PRKCE: variants seen among roughly 807,000 people sequenced by gnomAD.
PRKCE encodes the protein protein kinase C epsilon, also known as protein kinase C epsilon type.
A neutral mutation model predicts 85.4 loss-of-function variants in PRKCE; 16 were observed. The observed-to-expected ratio is 0.19, with a 90% CI of 0.13 to 0.28. The LOEUF (loss-of-function observed/expected upper bound fraction) is 0.28, where lower values mean the gene tolerates loss of function less well. PRKCE is among the 10% of genes least tolerant of loss of function. PRKCE has a pLI of 1.00. For synonymous variants in PRKCE, 388 were observed against 371.5 expected (o/e 1.04, Z -0.51); for missense variants, 573 against 975.2 (o/e 0.59, Z 5.49).
At chr2:46,002,202 TA>T (rs1704745888) in intron 7 of PRKCE, among the ~76,000 whole-genome samples, 1 of 152,368 alleles carries the variant, frequency 6.6e-6, no homozygotes, top group African/African-American at 2.4e-5. Context: ...ATTTCATTTG[TA>T]GGCTCTTCTT....
chr2:46,083,922 A>G (rs1405592471), intron 10 of PRKCE, among the ~76,000 whole-genome samples: 1 of 152,254 alleles, frequency 6.6e-6, no homozygotes, highest in Admixed American at 6.5e-5. Context: ...GAGGAGAGTC[A>G]GTGCTTCTCA....
At chr2:45,659,471 G>T (rs745363837) in intron 1 of PRKCE, among the ~76,000 whole-genome samples, 1 of 152,114 alleles carries the variant, frequency 6.6e-6, no homozygotes, top group African/African-American at 2.4e-5. Context: ...GCTTCCACCT[G>T]TCCTGGCTTC....
intron 11 of PRKCE, among the ~76,000 whole-genome samples, chr2:46,130,249 TTA>T (rs1439026956): frequency 1.3e-5 from 2 of 152,222 alleles, no homozygotes; most frequent in Non-Finnish European, 2.9e-5. Flanking sequence ...TTTATTAATT[TTA>T]TGTCATATTT....
chr2:46,013,374 G>C (rs147655433), intron 10 of PRKCE, among the ~76,000 whole-genome samples: 1 of 152,220 alleles, frequency 6.6e-6, no homozygotes, highest in African/African-American at 2.4e-5. Context: ...CAAGCTAAGA[G>C]GGAGTAGCAA....
intron 10 of PRKCE, among the ~76,000 whole-genome samples, chr2:46,052,299 G>A (rs11898341): frequency 6.6e-6 from 1 of 152,060 alleles, no homozygotes; most frequent in Admixed American, 6.5e-5. Context: ...GTAGAGCAAG[G>A]CCACAGGAGA....
intron 11 of PRKCE, among the ~76,000 whole-genome samples, chr2:46,131,781 G>A (rs975490640): frequency 2.6e-5 from 4 of 152,196 alleles, no homozygotes; most frequent in Non-Finnish European, 5.9e-5. Context: ...ATGTCTCCCA[G>A]TGTCACTCCA....
chr2:45,919,460 C>T (rs571507091), intron 2 of PRKCE, among the ~76,000 whole-genome samples: 1 of 152,364 alleles, frequency 6.6e-6, no homozygotes, highest in South Asian at 2.1e-4. Context: ...GCTGCCTTTC[C>T]ACTGAAGTGT....
Position 45,774,264 on chromosome 2 carries a change from C to A in PRKCE, c.349-68736C>A, listed in dbSNP as rs951288220. On this transcript the variant is annotated intron_variant, in intron 1 of 14. Coordinates refer to ENST00000306156, the MANE Select transcript of PRKCE (RefSeq NM_005400.3). This position sits in a 1 kb window ranked among gnomAD's most constrained non-coding sequence, Gnocchi z 4.3. ...GCCTCCCCTCTCTCAGCAGCTGCTTCACAGCCTCACGGGAGGTGATCGGAC... is the reference window on the plus strand; with the variant it reads ...GCCTCCCCTCTCTCAGCAGCTGCTTAACAGCCTCACGGGAGGTGATCGGAC... Among the ~76,000 whole-genome samples the A allele has an allele frequency of 3.7e-4, 57 of 152,156 alleles. No homozygotes were observed. Among genetic ancestry groups the A allele is most frequent in the Non-Finnish European group, 7.8e-4 (53 of 68,024 alleles).
chr2:45,951,013 C>T (rs1700583928), intron 2 of PRKCE, among the ~76,000 whole-genome samples: 1 of 152,222 alleles, frequency 6.6e-6, no homozygotes, highest in African/African-American at 2.4e-5. Context: ...CCTTGTACAT[C>T]CCCAGTCATG....
At chr2:46,123,523 C>G (rs916370838) in intron 11 of PRKCE, among the ~76,000 whole-genome samples, 3 of 152,178 alleles carry the variant, frequency 2.0e-5, no homozygotes, top group African/African-American at 7.2e-5. Context: ...GAGTCTCGCT[C>G]TGTCGCCCAG....
rs1376307576 is a variant in PRKCE, at chr2:45,942,274, C to A, written c.413-34155C>A. On this transcript the variant is annotated intron_variant, in intron 2 of 14. Coordinates refer to ENST00000306156, the MANE Select transcript of PRKCE (RefSeq NM_005400.3). Reference sequence around the variant, plus strand: ...ACACCAATTAGAGAAGCGTTTCTGGCCAAAGACAATGCTTATCTGGGTGCA... The same window carrying A: ...ACACCAATTAGAGAAGCGTTTCTGGACAAAGACAATGCTTATCTGGGTGCA... Among the ~76,000 whole-genome samples the A allele has an allele frequency of 3.3e-5, 5 of 152,082 alleles. 1 individual carries two copies. Among genetic ancestry groups the A allele is most frequent in the Admixed American group, 2.6e-4 (4 of 15,272 alleles).
intron 10 of PRKCE, among the ~76,000 whole-genome samples, chr2:46,033,362 C>A (rs1263137417): frequency 6.6e-6 from 1 of 152,210 alleles, no homozygotes; most frequent in Non-Finnish European, 1.5e-5. Flanking sequence ...CACACCCTGT[C>A]TTCTGATGGC....
At chr2:45,676,202 A>T (rs985751605) in intron 1 of PRKCE, 10 of 152,188 alleles carry the variant, frequency 6.6e-5, no homozygotes, top group African/African-American at 2.4e-4. Flanking sequence ...CCCAGTCTCA[A>T]GATGGAACCC....
intron 2 of PRKCE, among the ~76,000 whole-genome samples, chr2:45,887,569 A>G (rs1030986061): frequency 6.6e-6 from 1 of 152,072 alleles, no homozygotes; most frequent in African/African-American, 2.4e-5. Flanking sequence ...CCACTCCTAC[A>G]GATGAAGCCA....
chr2:45,704,035 C>T (rs140454765), intron 1 of PRKCE, among the ~76,000 whole-genome samples: 3 of 152,298 alleles, frequency 2.0e-5, no homozygotes, highest in Non-Finnish European at 4.4e-5. Flanking sequence ...TATCCATTAA[C>T]CAAACATTCA....
intron 10 of PRKCE, among the ~76,000 whole-genome samples, chr2:46,053,432 C>T (rs977564648): frequency 6.6e-6 from 1 of 152,126 alleles, no homozygotes; most frequent in Non-Finnish European, 1.5e-5. Flanking sequence ...CATCCGTCAC[C>T]ACTATCCATC....
intron 1 of PRKCE, chr2:45,675,817 G>C (rs1407051098): frequency 2.6e-5 from 4 of 152,268 alleles, no homozygotes; most frequent in Non-Finnish European, 5.9e-5. Flanking sequence ...GCTCACAGAT[G>C]GGCCTGACTT....
At chr2:45,939,767 A>G (rs113115121) in intron 2 of PRKCE, among the ~76,000 whole-genome samples, 128 of 152,256 alleles carry the variant, frequency 8.4e-4, no homozygotes, top group Non-Finnish European at 1.4e-3. Context: ...GTTGACCAGG[A>G]TGGTCTTGAT....
At chr2:46,030,049 C>T (rs1707408070) in intron 10 of PRKCE, among the ~76,000 whole-genome samples, 1 of 152,144 alleles carries the variant, frequency 6.6e-6, no homozygotes, top group Admixed American at 6.5e-5. Context: ...AGCTATTTCC[C>T]ACCAGGGAGT....
Sources: gnomAD v4.1 joint callset for allele counts (sites outside exome capture counted in the v4.1 genomes callset) on GRCh38, gnomAD v4.1.1 for gene constraint, Gnocchi (gnomAD v3.1) non-coding constraint, MANE v1.5 for transcripts, NCBI Gene and HGNC (gene_info 2026-07-23, HGNC 2026-07-21) for gene names.